LDB2: variants seen among roughly 807,000 people sequenced by gnomAD.
LDB2 encodes the protein LIM domain-binding protein 2.
Under a neutral mutation model 44.3 loss-of-function variants are expected in LDB2, and 12 were observed. The observed-to-expected ratio is 0.27, with a 90% confidence interval of 0.17 to 0.44. LDB2 has a LOEUF of 0.44. Among genes scored for constraint, LDB2 ranks in the 20% least tolerant of loss-of-function variants. The pLI is 1.00. For synonymous variants in LDB2, 164 were observed against 174.8 expected (o/e 0.94, Z 0.49); for missense variants, 344 against 473.5 (o/e 0.73, Z 2.54).
chr4:16,732,047 T>C (rs76518675), intron 2 of LDB2, among the ~76,000 whole-genome samples: 2,942 of 152,282 alleles, frequency 0.019, 86 homozygotes, highest in African/African-American at 0.067. Flanking sequence ...CAGCTTTGTG[T>C]AAACAATTTA....
At chr4:16,859,713 T>C (rs928267588) in intron 1 of LDB2, among the ~76,000 whole-genome samples, 13 of 152,174 alleles carry the variant, frequency 8.5e-5, no homozygotes, top group South Asian at 2.1e-4. Context: ...AAGAGGAAGA[T>C]GACTTTTCAA....
At chr4:16,699,882 C>T (rs1037109449) in intron 2 of LDB2, among the ~76,000 whole-genome samples, 6 of 152,072 alleles carry the variant, frequency 3.9e-5, no homozygotes, top group African/African-American at 1.2e-4. Flanking sequence ...CCACTTAGAA[C>T]GCATGTACAG....
chr4:16,670,096 A>G (rs1380314131), intron 2 of LDB2, among the ~76,000 whole-genome samples: 1 of 152,126 alleles, frequency 6.6e-6, no homozygotes, highest in East Asian at 1.9e-4. Flanking sequence ...AAGTTTGCCA[A>G]CCTCTGATCT....
intron 1 of LDB2, among the ~76,000 whole-genome samples, chr4:16,788,575 C>T (rs1775003798): frequency 6.6e-6 from 1 of 152,150 alleles, no homozygotes; most frequent in Admixed American, 6.5e-5. Context: ...CCATCCCAAC[C>T]CCTATGGGGA....
chr4:16,594,364 A>G (rs1440910365), intron 3 of LDB2, among the ~76,000 whole-genome samples: 1 of 152,180 alleles, frequency 6.6e-6, no homozygotes, highest in Non-Finnish European at 1.5e-5. Flanking sequence ...TCAGGTGATC[A>G]TTACTTTCCA....
intron 7 of LDB2, chr4:16,503,259 G>C (rs1718015381): frequency 1.1e-6 from 1 of 917,370 alleles, no homozygotes; most frequent in Non-Finnish European, 1.6e-6. Context: ...CCAAAAATCT[G>C]CCACTTTTAT....
At chr4:16,525,715 ATAAAT>A (rs1304473493) in intron 5 of LDB2, among the ~76,000 whole-genome samples, 3 of 150,174 alleles carry the variant, frequency 2.0e-5, no homozygotes, top group African/African-American at 4.8e-5. Flanking sequence ...CAGATAATAA[ATAAAT>A]TAAATAAACA....
At chr4:16,879,091 C>A (rs1016927479) in intron 1 of LDB2, among the ~76,000 whole-genome samples, 1 of 152,038 alleles carries the variant, frequency 6.6e-6, no homozygotes, top group African/African-American at 2.4e-5. Context: ...TGTTTTTATG[C>A]GGTATTGTAT....
At chr4:16,890,281 T>C (rs563739560) in intron 1 of LDB2, among the ~76,000 whole-genome samples, 73 of 151,972 alleles carry the variant, frequency 4.8e-4, no homozygotes, top group Non-Finnish European at 7.8e-4. Context: ...AGCAGGAGAG[T>C]CACAGGATCT....
intron 2 of LDB2, among the ~76,000 whole-genome samples, chr4:16,634,810 T>C (rs780655256): frequency 6.6e-6 from 1 of 152,220 alleles, no homozygotes; most frequent in Non-Finnish European, 1.5e-5. Context: ...CAAAGGATTA[T>C]AAATCATTCT....
intron 1 of LDB2, among the ~76,000 whole-genome samples, chr4:16,766,466 ATATGTGTG>A (rs550053308): frequency 0.068 from 4,142 of 61,176 alleles, 134 homozygotes; most frequent in African/African-American, 0.13. Context: ...ACACACACAT[ATATGTGTG>A]TGTGTGTGTG....
chr4:16,782,169 C>A (rs1773398425), intron 1 of LDB2, among the ~76,000 whole-genome samples: 2 of 152,146 alleles, frequency 1.3e-5, no homozygotes, highest in African/African-American at 4.8e-5. Flanking sequence ...GCTGGCTAAG[C>A]CTTCGTACCA....
At chr4:16,873,030 G>T (rs1285019963) in intron 1 of LDB2, among the ~76,000 whole-genome samples, 1 of 152,148 alleles carries the variant, frequency 6.6e-6, no homozygotes. Context: ...TCTAATGGGG[G>T]TTCAAAAAGG....
At chr4:16,546,189 T>G (rs1577561577) in intron 5 of LDB2, among the ~76,000 whole-genome samples, 1 of 152,194 alleles carries the variant, frequency 6.6e-6, no homozygotes. Context: ...TATTTCACCA[T>G]TGATATTAGT....
chr4:16,658,777 A>G (rs998394446), intron 2 of LDB2, among the ~76,000 whole-genome samples: 1 of 152,140 alleles, frequency 6.6e-6, no homozygotes, highest in Non-Finnish European at 1.5e-5. Context: ...GGTGTTTTCC[A>G]TGTTCCATGT....
chr4:16,778,420 C>T (rs1772433419), intron 1 of LDB2, among the ~76,000 whole-genome samples: 1 of 152,166 alleles, frequency 6.6e-6, no homozygotes, highest in African/African-American at 2.4e-5. Context: ...TCAACACCTG[C>T]AGAGGCTCCC....
chr4:16,696,530 A>G (rs889470955), intron 2 of LDB2, among the ~76,000 whole-genome samples: 1 of 152,168 alleles, frequency 6.6e-6, no homozygotes, highest in Non-Finnish European at 1.5e-5. Flanking sequence ...GTCTTTTAGG[A>G]AGCAGAGCTA....
At chr4:16,754,643 T>G (rs1766144941) in intron 2 of LDB2, among the ~76,000 whole-genome samples, 1 of 152,018 alleles carries the variant, frequency 6.6e-6, no homozygotes, top group Admixed American at 6.6e-5. Flanking sequence ...GTAATTCTCC[T>G]ATCTCAGCCT....
chr4:16,727,060 G>T (rs977701860), intron 2 of LDB2, among the ~76,000 whole-genome samples: 1 of 152,110 alleles, frequency 6.6e-6, no homozygotes, highest in African/African-American at 2.4e-5. Flanking sequence ...ATAACTGCAC[G>T]GATTAAGAAA....
Sources: gnomAD v4.1 joint callset for allele counts (sites outside exome capture counted in the v4.1 genomes callset) on GRCh38, gnomAD v4.1.1 for gene constraint, MANE v1.5 for transcripts, NCBI Gene and HGNC (gene_info 2026-07-23, HGNC 2026-07-21) for gene names.